MTUS1: variants seen among roughly 807,000 people sequenced by gnomAD.
The protein encoded by MTUS1 is microtubule associated scaffold protein 1.
A neutral mutation model predicts 120.8 loss-of-function variants in MTUS1; 109 were observed. The ratio of observed to expected loss-of-function variants is 0.90; its 90% CI spans 0.77 to 1.06. The LOEUF (loss-of-function observed/expected upper bound fraction) is 1.06. Among genes scored for constraint, MTUS1 ranks in the 50% least tolerant of loss-of-function variants. The probability of loss-of-function intolerance (pLI) is 0.00; values close to 1 mark genes in which losing one functional copy is unlikely to be tolerated. For synonymous variants in MTUS1, 737 were observed against 550.5 expected (o/e 1.34, Z -4.74); for missense variants, 2,210 against 1,486.3 (o/e 1.49, Z -8.01).
intron 6 of MTUS1, among the ~76,000 whole-genome samples, chr8:17,687,878 G>C (rs745622571): frequency 6.6e-6 from 1 of 152,204 alleles, no homozygotes; most frequent in Non-Finnish European, 1.5e-5. Flanking sequence ...AAAGAAAGTA[G>C]TTGGTTAATG....
chr8:17,691,611 C>T (rs1816956936), intron 6 of MTUS1, among the ~76,000 whole-genome samples: 1 of 152,192 alleles, frequency 6.6e-6, no homozygotes, highest in South Asian at 2.1e-4. Flanking sequence ...AAGACTACAT[C>T]TCTCGTTCTT....
chr8:17,750,264 C>T (rs1189331620), intron 2 of MTUS1, among the ~76,000 whole-genome samples: 2 of 152,064 alleles, frequency 1.3e-5, no homozygotes, highest in East Asian at 1.9e-4. Flanking sequence ...CAGAATTGGC[C>T]AAGAAAAGCA....
Position 17,790,174 on chromosome 8 carries a change from C to T in MTUS1, c.-155+10887G>A, listed in dbSNP as rs4541970. ...CCATCCTGGCTAACATGGTGAAGCC[C>T]CACCTCTAATAAAAATACAAAAAAT... On this transcript the variant is annotated intron_variant, in intron 1 of 14. Coordinates refer to ENST00000693296, the MANE Select transcript of MTUS1 (RefSeq NM_001363059.2). Among the ~76,000 whole-genome samples, 593 of 151,926 alleles carry T rather than the reference C, an allele frequency of 3.9e-3. 7 individuals carry two copies. The highest frequency in any genetic ancestry group is 0.024 in the Admixed American group (370 of 15,260).
At chr8:17,716,862 T>C (rs1463997056) in intron 4 of MTUS1, among the ~76,000 whole-genome samples, 1 of 152,166 alleles carries the variant, frequency 6.6e-6, no homozygotes, top group Non-Finnish European at 1.5e-5. Flanking sequence ...CCTGTTTGTT[T>C]CCAAATAATG....
chr8:17,716,572 T>G (rs573514340), intron 4 of MTUS1: 16 of 160,700 alleles, frequency 1.0e-4, no homozygotes, highest in Non-Finnish European at 1.6e-4. Flanking sequence ...TTGTTTGTTT[T>G]GAGACGGAGT....
At chr8:17,796,797 T>C (rs1018974456) in intron 1 of MTUS1, among the ~76,000 whole-genome samples, 5 of 152,070 alleles carry the variant, frequency 3.3e-5, no homozygotes, top group Non-Finnish European at 7.4e-5. Context: ...TCTACAAAAC[T>C]TGGTTTAGAA....
rs1193019699 is a variant in MTUS1 at position 17,644,708 on chromosome 8, C to T, written c.*1218G>A. On this transcript the variant is annotated 3_prime_UTR_variant, in exon 15 of 15. Transcript: ENST00000693296. ...ATCATCGGTAAGCACTGAATCCTAC[C>T]TTTCTTAATTATACTAGCCAATGAC... The T allele has an allele frequency of 6.6e-6, 1 of 152,170 alleles. No individual in the cohort carries two copies. Among genetic ancestry groups the T allele is most frequent in the African/African-American group, 2.4e-5 (1 of 41,444 alleles). 9.4% of individuals were successfully genotyped at this position (152,170 alleles called of 1,614,324 possible). A position where few individuals can be genotyped will look rare whatever the true frequency, so the allele number is the denominator to read the frequency against.
chr8:17,698,597 A>G (rs928497772), intron 6 of MTUS1, among the ~76,000 whole-genome samples: 5 of 152,242 alleles, frequency 3.3e-5, no homozygotes, highest in Admixed American at 6.5e-5. Flanking sequence ...AATTGTTACC[A>G]TAAATAACAC....
chr8:17,680,634 ATC>A (rs1207721171), intron 7 of MTUS1, among the ~76,000 whole-genome samples: 1 of 152,170 alleles, frequency 6.6e-6, no homozygotes, highest in Non-Finnish European at 1.5e-5. Flanking sequence ...TGGACAATGC[ATC>A]TCTCTGTAGA....
chr8:17,710,062 T>G, intron 6 of MTUS1, among the ~76,000 whole-genome samples: 1 of 152,022 alleles, frequency 6.6e-6, no homozygotes, highest in East Asian at 1.9e-4. Context: ...ATGCTAAAGA[T>G]CATCTGAGCC....
chr8:17,680,987 G>A (rs898745030), intron 7 of MTUS1, among the ~76,000 whole-genome samples: 9 of 151,906 alleles, frequency 5.9e-5, no homozygotes, highest in South Asian at 4.2e-4. Flanking sequence ...AGGATGGAGT[G>A]TAGTGGTGCG....
chr8:17,703,342 G>C (rs937359603), intron 6 of MTUS1, among the ~76,000 whole-genome samples: 3 of 152,076 alleles, frequency 2.0e-5, no homozygotes, highest in African/African-American at 7.2e-5. Context: ...CTATGCGGTG[G>C]AGATAGCTTG....
chr8:17,652,043 GA>G (rs1437915680), intron 12 of MTUS1, among the ~76,000 whole-genome samples: 2 of 151,794 alleles, frequency 1.3e-5, no homozygotes, highest in Non-Finnish European at 2.9e-5. Flanking sequence ...GTCTCACTGA[GA>G]GATCCACACA....
intron 6 of MTUS1, among the ~76,000 whole-genome samples, chr8:17,689,134 C>A (rs1816441320): frequency 6.6e-6 from 1 of 152,098 alleles, no homozygotes; most frequent in Non-Finnish European, 1.5e-5. Flanking sequence ...TCACTTGAAT[C>A]CGGGAGGTGG....
intron 6 of MTUS1, chr8:17,697,521 A>T: frequency 1.4e-6 from 2 of 1,392,570 alleles, no homozygotes; most frequent in Non-Finnish European, 1.9e-6. Flanking sequence ...ATTCCACCAG[A>T]GAGGCATAGA....
chr8:17,796,099 A>G (rs1025115636), intron 1 of MTUS1, among the ~76,000 whole-genome samples: 7 of 151,806 alleles, frequency 4.6e-5, no homozygotes, highest in Non-Finnish European at 1.0e-4. Context: ...ACAGGCGCCC[A>G]CCACCACACC....
intron 8 of MTUS1, among the ~76,000 whole-genome samples, chr8:17,656,951 C>T (rs535372113): frequency 6.7e-4 from 98 of 146,152 alleles, no homozygotes; most frequent in Non-Finnish European, 1.3e-3. Context: ...CCCAGCTACT[C>T]GGGAAGTTGA....
At chr8:17,784,535 T>A (rs1233383336) in intron 1 of MTUS1, among the ~76,000 whole-genome samples, 1 of 152,138 alleles carries the variant, frequency 6.6e-6, no homozygotes, top group Non-Finnish European at 1.5e-5. Context: ...TCTCAGGTGA[T>A]CTGCCTGCCT....
intron 8 of MTUS1, 191 bp downstream of exon 8, chr8:17,674,995 T>C (rs551357393): frequency 1.4e-6 from 2 of 1,403,252 alleles, no homozygotes; most frequent in African/African-American, 2.9e-5. Context: ...GTGCCAGGAA[T>C]TCTGTGAACT....
Sources: allele counts gnomAD v4.1 joint callset (sites outside exome capture counted in the v4.1 genomes callset), GRCh38; gene constraint gnomAD v4.1.1; transcripts MANE v1.5; gene names NCBI Gene and HGNC (gene_info 2026-07-23, HGNC 2026-07-21).